YAF2: variants seen among roughly 807,000 people sequenced by gnomAD.
The protein encoded by YAF2 is YY1 associated factor 2, also known as YY1-associated factor 2.
A neutral mutation model predicts 20.1 loss-of-function variants in YAF2; 7 were observed. The ratio of observed to expected loss-of-function variants is 0.35; its 90% CI spans 0.20 to 0.65. The LOEUF (loss-of-function observed/expected upper bound fraction) is 0.65. Ranked by LOEUF, YAF2 falls within the 30% of genes least tolerant of loss-of-function variation. YAF2 has a pLI of 0.69. For synonymous variants in YAF2, 74 were observed against 76.0 expected (o/e 0.97, Z 0.14); for missense variants, 151 against 219.2 (o/e 0.69, Z 1.96).
At chr12:42,199,041 G>T in intron 2 of YAF2, 2 of 602,392 alleles carry the variant, frequency 3.3e-6, no homozygotes, top group Non-Finnish European at 2.4e-6. Flanking sequence ...TAACATTTTT[G>T]TTGAATTTAA....
rs560597418 is a variant in YAF2 at position 42,168,552 on chromosome 12, T to C, written c.153-6787A>G. ...GTTTGAAGAGGCTTGGCTTCTTCCT[T>C]AAATTCTTTTCGGAAAAATGATTAT... On this transcript the variant is annotated intron_variant, in intron 2 of 3. Coordinates refer to ENST00000534854, the MANE Select transcript of YAF2 (RefSeq NM_005748.6). Among the ~76,000 whole-genome samples, 7 of 152,296 alleles carry C rather than the reference T, an allele frequency of 4.6e-5. No individual in the cohort carries two copies. The South Asian group carries it at 1.5e-3, about 32-fold the overall frequency.
intron 2 of YAF2, among the ~76,000 whole-genome samples, chr12:42,175,642 C>T (rs892977492): frequency 1.3e-4 from 18 of 139,768 alleles, no homozygotes; most frequent in Admixed American, 2.3e-4. Context: ...TATGGGAGGC[C>T]GAGGTGGGCA....
intron 3 of YAF2, 155 bp downstream of exon 3, chr12:42,161,458 T>C: frequency 4.0e-6 from 3 of 745,360 alleles, no homozygotes; most frequent in Non-Finnish European, 5.7e-6. Flanking sequence ...TAATTTCCTA[T>C]GTATCTTTCA....
chr12:42,210,853 G>T, intron 2 of YAF2: 1 of 493,968 alleles, frequency 2.0e-6, no homozygotes. Flanking sequence ...AGAAACATAA[G>T]GAAATCATTA....
intron 2 of YAF2, among the ~76,000 whole-genome samples, chr12:42,219,086 T>C (rs2067442586): frequency 6.6e-6 from 1 of 152,190 alleles, no homozygotes. Flanking sequence ...AAAACACCCT[T>C]ATAAAATACA....
At chr12:42,207,429 C>G (rs1453153490) in intron 2 of YAF2, among the ~76,000 whole-genome samples, 6 of 151,974 alleles carry the variant, frequency 3.9e-5, no homozygotes, top group Admixed American at 3.3e-4. Context: ...TCTATACTCT[C>G]AAAACTATAT....
chr12:42,175,418 T>C (rs1479020993), intron 2 of YAF2, among the ~76,000 whole-genome samples: 1 of 151,486 alleles, frequency 6.6e-6, no homozygotes, highest in Non-Finnish European at 1.5e-5. Context: ...CTCCAGAAAA[T>C]AATGGATGTG....
intron 2 of YAF2, among the ~76,000 whole-genome samples, chr12:42,175,632 T>G (rs1039265251): frequency 4.2e-5 from 6 of 144,486 alleles, no homozygotes; most frequent in African/African-American, 1.5e-4. Flanking sequence ...ATCCCAGCAC[T>G]ATGGGAGGCC....
chr12:42,215,927 AAAATAAATAAAT>A (rs67295015), intron 2 of YAF2, among the ~76,000 whole-genome samples: 49,550 of 144,546 alleles, frequency 0.34, 8,920 homozygotes, highest in South Asian at 0.44. Context: ...TCCAGCTCAA[AAAATAAATAAAT>A]AAATAAATAA....
chr12:42,235,223 C>A (rs2068109992), intron 2 of YAF2: 1 of 994,894 alleles, frequency 1.0e-6, no homozygotes, highest in Admixed American at 5.5e-5. Flanking sequence ...CTGCAGCTAT[C>A]CAGTCTTGGC....
In YAF2 at chr12:42,230,261, AAAAG is replaced by A. The variant is rs145792067; in HGVS notation, c.152+7334_152+7337del. ...ACAGAGCAAGACTCCTTCAAGAAAG[AAAAG>A]AAAGAGAAGAAAGAGAAGAAAGAGA... On this transcript the variant is annotated intron_variant, in intron 2 of 3. Coordinates refer to ENST00000534854, the MANE Select transcript of YAF2 (RefSeq NM_005748.6). 6.5e-3 allele frequency among the ~76,000 whole-genome samples: 980 copies of A among 151,934 alleles called. 11 individuals are homozygous for A. The highest frequency in any genetic ancestry group is 0.023 in the African/African-American group (937 of 41,334).
chr12:42,167,556 A>C (rs1041626529), intron 2 of YAF2, among the ~76,000 whole-genome samples: 1 of 152,244 alleles, frequency 6.6e-6, no homozygotes, highest in African/African-American at 2.4e-5. Flanking sequence ...GTCCAACTTA[A>C]GAAAAATCAT....
intron 2 of YAF2, among the ~76,000 whole-genome samples, chr12:42,192,498 G>A (rs1015758954): frequency 6.6e-6 from 1 of 152,242 alleles, no homozygotes; most frequent in Non-Finnish European, 1.5e-5. Context: ...AACACAGTGA[G>A]ACCCTGTCTC....
At chr12:42,199,505 C>T in intron 2 of YAF2, 1 of 200,702 alleles carries the variant, frequency 5.0e-6, no homozygotes, top group South Asian at 7.5e-5. Flanking sequence ...AAAATCCACA[C>T]ACCTTTCTCA....
At chr12:42,209,602 T>C (rs899303691) in intron 2 of YAF2, among the ~76,000 whole-genome samples, 2 of 147,584 alleles carry the variant, frequency 1.4e-5, no homozygotes, top group African/African-American at 5.0e-5. Flanking sequence ...GCTAGACAAT[T>C]AATATAAAAC....
At chr12:42,216,122 C>T (rs1034437810) in intron 2 of YAF2, among the ~76,000 whole-genome samples, 7 of 152,118 alleles carry the variant, frequency 4.6e-5, no homozygotes, top group South Asian at 2.1e-4. Context: ...ATAGATATTA[C>T]TAGATAATTA....
At chr12:42,212,909 TA>T (rs1405895428) in intron 2 of YAF2, among the ~76,000 whole-genome samples, 1 of 152,244 alleles carries the variant, frequency 6.6e-6, no homozygotes, top group Non-Finnish European at 1.5e-5. Flanking sequence ...AAGGGTCATC[TA>T]GGTAACTCTG....
chr12:42,235,694 C>T (rs1249521486), intron 2 of YAF2: 3 of 1,532,162 alleles, frequency 2.0e-6, no homozygotes, highest in African/African-American at 1.4e-5. Flanking sequence ...CAATGCTTCT[C>T]TGAGTCCTCC....
At position 42,159,366 on chromosome 12, in the gene YAF2, A is replaced by G. The variant is rs970992851; in HGVS notation, c.*1223T>C. 1.3e-5 allele frequency: 2 copies of G among 152,146 alleles called. No homozygotes were observed. The highest frequency in any genetic ancestry group is 6.5e-5 in the Admixed American group (1 of 15,278). 9.4% of individuals were successfully genotyped at this position (152,146 alleles called of 1,614,324 possible). On this transcript the variant is annotated 3_prime_UTR_variant, in exon 4 of 4. Coordinates refer to ENST00000534854, the MANE Select transcript of YAF2 (RefSeq NM_005748.6). ...CAGGAGACCCCAGGAGAATTTAAGTACTGTGTGGTTTCTAGGTTGAAATTC... is the reference window on the plus strand; with the variant it reads ...CAGGAGACCCCAGGAGAATTTAAGTGCTGTGTGGTTTCTAGGTTGAAATTC...
Sources: allele counts gnomAD v4.1 joint callset (sites outside exome capture counted in the v4.1 genomes callset), GRCh38; gene constraint gnomAD v4.1.1; transcripts MANE v1.5; gene names NCBI Gene and HGNC (gene_info 2026-07-23, HGNC 2026-07-21).